BORCS5: variants seen among roughly 807,000 people sequenced by gnomAD.
BORCS5 encodes the protein BLOC-1-related complex subunit 5.
BORCS5 carries 17 observed loss-of-function variants against 22.1 expected under a neutral mutation model. That is an observed-to-expected ratio of 0.77 (90% CI 0.53 to 1.15). The LOEUF is 1.15. BORCS5 is among the 50% of genes most tolerant of loss of function. BORCS5 has a pLI of 0.00. For missense variants in BORCS5, 247 were observed against 253.2 expected (o/e 0.98, Z 0.17); for synonymous variants, 117 against 99.8 (o/e 1.17, Z -1.03).
Position 12,465,812 on chromosome 12 carries a change from A to G in BORCS5, c.*36A>G. 1.9e-6 allele frequency: 3 copies of G among 1,545,214 alleles called. No individual in the cohort carries two copies. Among genetic ancestry groups the G allele is most frequent in the Non-Finnish European group, 2.7e-6 (3 of 1,128,716 alleles). Reference sequence around the variant, plus strand: ...GCCTGCCTGGGGCTGGGAGCCCCAGACACCGACACCCTGAGGACGTGTGGA... The same window carrying G: ...GCCTGCCTGGGGCTGGGAGCCCCAGGCACCGACACCCTGAGGACGTGTGGA... On this transcript the variant is annotated 3_prime_UTR_variant, in exon 4 of 4. Coordinates refer to ENST00000314565, the MANE Select transcript of BORCS5 (RefSeq NM_058169.6).
chr12:12,417,488 G>T (rs1785898016), intron 2 of BORCS5, among the ~76,000 whole-genome samples: 1 of 152,046 alleles, frequency 6.6e-6, no homozygotes, highest in Non-Finnish European at 1.5e-5. Flanking sequence ...TTTGTTGTGT[G>T]TTCAAGTCCT....
chr12:12,448,659 G>A (rs1486222480), intron 3 of BORCS5, among the ~76,000 whole-genome samples: 1 of 151,894 alleles, frequency 6.6e-6, no homozygotes, highest in Non-Finnish European at 1.5e-5. Flanking sequence ...CTCCCGAGTA[G>A]CTGGGATTAT....
intron 2 of BORCS5, among the ~76,000 whole-genome samples, chr12:12,420,097 GT>G (rs1444164585): frequency 1.3e-4 from 19 of 150,830 alleles, no homozygotes; most frequent in Non-Finnish European, 2.8e-4. Context: ...TGCTTTTGGT[GT>G]TTTAGACATG....
chr12:12,364,709 G>A (rs1219844523), intron 2 of BORCS5, among the ~76,000 whole-genome samples: 2 of 152,226 alleles, frequency 1.3e-5, no homozygotes, highest in Non-Finnish European at 2.9e-5. Context: ...GCTCACGCCT[G>A]TAATCCTAGC....
chr12:12,460,748 T>G lies in BORCS5; in HGVS notation c.361-4798T>G, dbSNP rs528073186. 5.3e-5 allele frequency among the ~76,000 whole-genome samples: 8 copies of G among 152,372 alleles called. No individual in the cohort carries two copies. In the South Asian group the frequency reaches 1.7e-3, roughly 32 times the overall value. ...TATATCCATTGAGACAATCATAGAT[T>G]TCTAACCTCTATTCTGTTGAAATGG... On this transcript the variant is annotated intron_variant, in intron 3 of 3. Transcript: ENST00000314565.
chr12:12,433,180 C>A (rs1208372565), intron 2 of BORCS5, among the ~76,000 whole-genome samples: 2 of 150,744 alleles, frequency 1.3e-5, no homozygotes, highest in Non-Finnish European at 2.9e-5. Flanking sequence ...CTAAAAAATG[C>A]AAAAATTAGG....
At chr12:12,404,298 C>G (rs959222542) in intron 2 of BORCS5, among the ~76,000 whole-genome samples, 2 of 152,184 alleles carry the variant, frequency 1.3e-5, no homozygotes, top group African/African-American at 4.8e-5. Flanking sequence ...TAACAAAATA[C>G]TGGAGACTGG....
At position 12,387,043 on chromosome 12, in the gene BORCS5, C is replaced by CT. The variant is rs1454023319; in HGVS notation, c.202+25701dup. 9.9e-5 allele frequency among the ~76,000 whole-genome samples: 15 copies of CT among 151,134 alleles called. 1 individual carries two copies. The highest frequency in any genetic ancestry group is 2.1e-4 in the South Asian group (1 of 4,768). On this transcript the variant is annotated intron_variant, in intron 2 of 3. Coordinates refer to ENST00000314565, the MANE Select transcript of BORCS5 (RefSeq NM_058169.6). ...CATGCCCAGCTAATTAAAAAAAATACTTTTTTTAGAAATGTGGTCTTATTG... is the reference window on the plus strand; with the variant it reads ...CATGCCCAGCTAATTAAAAAAAATACTTTTTTTTAGAAATGTGGTCTTATTG...
intron 2 of BORCS5, among the ~76,000 whole-genome samples, chr12:12,428,723 T>C (rs538042686): frequency 6.6e-6 from 1 of 152,242 alleles, no homozygotes; most frequent in South Asian, 2.1e-4. Context: ...AGTGTCATGA[T>C]GTTATGGTGT....
chr12:12,458,989 AAG>A (rs1174089335), intron 3 of BORCS5, among the ~76,000 whole-genome samples: 1 of 151,896 alleles, frequency 6.6e-6, no homozygotes, highest in Admixed American at 6.6e-5. Flanking sequence ...AATTAAAAAA[AAG>A]AGAGAGATAG....
At chr12:12,461,312 G>A (rs1170274303) in intron 3 of BORCS5, among the ~76,000 whole-genome samples, 1 of 151,882 alleles carries the variant, frequency 6.6e-6, no homozygotes, top group African/African-American at 2.4e-5. Flanking sequence ...GGGACTACAG[G>A]TGTGTTCCAT....
At chr12:12,380,288 T>TTA (rs1863748906) in intron 2 of BORCS5, among the ~76,000 whole-genome samples, 1 of 149,618 alleles carries the variant, frequency 6.7e-6, no homozygotes, top group Admixed American at 6.6e-5. Flanking sequence ...CTTCAATTTG[T>TTA]AAAAAAAAAC....
chr12:12,393,446 C>G (rs1941249956), intron 2 of BORCS5, among the ~76,000 whole-genome samples: 1 of 151,910 alleles, frequency 6.6e-6, no homozygotes, highest in African/African-American at 2.4e-5. Context: ...AGCCAGTTTT[C>G]CCACACCCTA....
intron 2 of BORCS5, among the ~76,000 whole-genome samples, chr12:12,367,097 C>T (rs1251830165): frequency 6.6e-6 from 1 of 151,952 alleles, no homozygotes; most frequent in East Asian, 1.9e-4. Flanking sequence ...CATAGTGGAG[C>T]GAAATCTCAT....
chr12:12,464,274 C>A (rs2136164658), intron 3 of BORCS5, among the ~76,000 whole-genome samples: 1 of 152,086 alleles, frequency 6.6e-6, no homozygotes, highest in Non-Finnish European at 1.5e-5. Flanking sequence ...GGCACTCAAG[C>A]AAGAGGCCCG....
chr12:12,462,343 T>C (rs920805888), intron 3 of BORCS5, among the ~76,000 whole-genome samples: 1 of 152,226 alleles, frequency 6.6e-6, no homozygotes, highest in Non-Finnish European at 1.5e-5. Flanking sequence ...TCAACAAATA[T>C]TTATTCAGGA....
At chr12:12,447,691 A>T (rs137963998) in intron 3 of BORCS5, among the ~76,000 whole-genome samples, 18 of 152,286 alleles carry the variant, frequency 1.2e-4, no homozygotes, top group Non-Finnish European at 2.2e-4. Context: ...CTGTTCTCTG[A>T]GTCAAAAAGG....
chr12:12,403,386 T>C (rs1414468909), intron 2 of BORCS5, among the ~76,000 whole-genome samples: 1 of 152,216 alleles, frequency 6.6e-6, no homozygotes, highest in Admixed American at 6.5e-5. Context: ...TCTGCTGGCT[T>C]TTCTGTGGCA....
rs1453705919 is a variant in BORCS5, at chr12:12,411,235, G to A, written c.203-24393G>A. On this transcript the variant is annotated intron_variant, in intron 2 of 3. Coordinates refer to ENST00000314565, the MANE Select transcript of BORCS5 (RefSeq NM_058169.6). ...CTTGATTTCCTTCTCCTGCCTGATT[G>A]CCCTGGCCGGAACTTCCAACACTAT... Among the ~76,000 whole-genome samples, 5 of 152,112 alleles carry A rather than the reference G, an allele frequency of 3.3e-5. No individual in the cohort carries two copies. The South Asian group carries it at 8.3e-4, about 25-fold the overall frequency.
Sources: allele counts gnomAD v4.1 joint callset (sites outside exome capture counted in the v4.1 genomes callset), GRCh38; gene constraint gnomAD v4.1.1; transcripts MANE v1.5; gene names NCBI Gene and HGNC (gene_info 2026-07-23, HGNC 2026-07-21).